ZDHHC14: variants seen among roughly 807,000 people sequenced by gnomAD.
ZDHHC14 encodes the protein zDHHC palmitoyltransferase 14, also known as palmitoyltransferase ZDHHC14.
Under a neutral mutation model 47.7 loss-of-function variants are expected in ZDHHC14, and 16 were observed. The ratio of observed to expected loss-of-function variants is 0.34; its 90% CI spans 0.23 to 0.51. The LOEUF is 0.51. ZDHHC14 is among the 20% of genes least tolerant of loss of function. The probability of loss-of-function intolerance (pLI) is 0.97; values close to 1 mark genes in which losing one functional copy is unlikely to be tolerated. For missense variants in ZDHHC14, 515 were observed against 662.5 expected (o/e 0.78, Z 2.44); for synonymous variants, 293 against 278.9 (o/e 1.05, Z -0.50).
rs1778894415 is a variant in ZDHHC14 at position 157,673,314 on chromosome 6, T to G, written c.*192T>G. On this transcript the variant is annotated 3_prime_UTR_variant, in exon 9 of 9. Transcript: ENST00000359775. The surrounding 1 kb of genome is among the most constrained non-coding windows in gnomAD (Gnocchi z 5.4). Reference sequence around the variant, plus strand: ...CGGATGCTGAGAGCTTGGTTTCATTTGAATTTTCTTCCCCAACCTGAGTGC... The same window carrying G: ...CGGATGCTGAGAGCTTGGTTTCATTGGAATTTTCTTCCCCAACCTGAGTGC... The G allele has an allele frequency of 1.5e-6, 1 of 685,706 alleles. No homozygotes were observed. The highest frequency in any genetic ancestry group is 2.4e-5 in the South Asian group (1 of 41,340). The allele number at this position is 685,706 out of a possible 1,614,324, so 42.5% of individuals were successfully genotyped here.
At chr6:157,482,223 A>C (rs1454217419) in intron 1 of ZDHHC14, among the ~76,000 whole-genome samples, 1 of 151,902 alleles carries the variant, frequency 6.6e-6, no homozygotes, top group Admixed American at 6.6e-5. Flanking sequence ...GCCTGTAGTA[A>C]AGTGAGGACA....
chr6:157,579,190 G>GTTTTTTTT lies in ZDHHC14; in HGVS notation c.407-13779_407-13772dup, dbSNP rs1187065924. Among the ~76,000 whole-genome samples, 16 of 63,964 alleles carry GTTTTTTTT rather than the reference G, an allele frequency of 2.5e-4. 4 individuals are homozygous for GTTTTTTTT. Among genetic ancestry groups the GTTTTTTTT allele is most frequent in the East Asian group, 2.2e-3 (4 of 1,792 alleles). The allele number at this position is 63,964 out of a possible 152,430, so 42.0% of individuals were successfully genotyped here. A position where few individuals can be genotyped will look rare whatever the true frequency, so the allele number is the denominator to read the frequency against. ...GCCATTTTAATGATATTGATTCTGT[G>GTTTTTTTT]TTTTTTTTTTTTTTTTTTTTTTTTT... On this transcript the variant is annotated intron_variant, in intron 2 of 8. Coordinates refer to ENST00000359775, the MANE Select transcript of ZDHHC14 (RefSeq NM_024630.3).
At chr6:157,481,292 T>C (rs1258746611) in intron 1 of ZDHHC14, among the ~76,000 whole-genome samples, 1 of 152,212 alleles carries the variant, frequency 6.6e-6, no homozygotes, top group African/African-American at 2.4e-5. Flanking sequence ...GGTGGTGTTT[T>C]TATCGTATTT....
chr6:157,383,158 T>G (rs1217611019), intron 1 of ZDHHC14, among the ~76,000 whole-genome samples: 1 of 152,242 alleles, frequency 6.6e-6, no homozygotes, highest in Non-Finnish European at 1.5e-5. Flanking sequence ...TAGCAGTGAT[T>G]AGATAAAGCA....
At chr6:157,660,993 AC>A in intron 8 of ZDHHC14, among the ~76,000 whole-genome samples, 1 of 152,328 alleles carries the variant, frequency 6.6e-6, no homozygotes, top group South Asian at 2.1e-4. Context: ...GACAAAGAGC[AC>A]TTAGGTTTCA....
intron 3 of ZDHHC14, among the ~76,000 whole-genome samples, chr6:157,617,297 T>C (rs144211618): frequency 2.4e-3 from 365 of 152,350 alleles, no homozygotes; most frequent in Non-Finnish European, 3.7e-3. Context: ...TATGGCCTTA[T>C]ATCTTAACAA....
intron 3 of ZDHHC14, among the ~76,000 whole-genome samples, chr6:157,603,663 C>T (rs140774210): frequency 0.017 from 2,517 of 152,260 alleles, 63 homozygotes; most frequent in African/African-American, 0.044. Context: ...TTCTTTTTCT[C>T]GTGTGTCTGT....
At chr6:157,467,815 G>A (rs1421840284) in intron 1 of ZDHHC14, among the ~76,000 whole-genome samples, 2 of 152,088 alleles carry the variant, frequency 1.3e-5, no homozygotes, top group Non-Finnish European at 2.9e-5. Flanking sequence ...CTCCCAAAGT[G>A]CTGGGATTAC....
intron 1 of ZDHHC14, among the ~76,000 whole-genome samples, chr6:157,423,175 G>A (rs1778144197): frequency 6.6e-6 from 1 of 152,176 alleles, no homozygotes; most frequent in South Asian, 2.1e-4. Context: ...TTGACTTTGA[G>A]TTCTACTGAC....
chr6:157,508,007 G>T (rs1299676265), intron 1 of ZDHHC14, among the ~76,000 whole-genome samples: 1 of 152,166 alleles, frequency 6.6e-6, no homozygotes, highest in African/African-American at 2.4e-5. Flanking sequence ...TCCTCAATCA[G>T]AATTTTGAAG....
At chr6:157,465,949 C>T (rs1213758940) in intron 1 of ZDHHC14, among the ~76,000 whole-genome samples, 1 of 151,740 alleles carries the variant, frequency 6.6e-6, no homozygotes, top group Non-Finnish European at 1.5e-5. Flanking sequence ...GGCGGAGACA[C>T]GAAAATCACT....
chr6:157,452,947 C>T (rs1211073624), intron 1 of ZDHHC14, among the ~76,000 whole-genome samples: 1 of 152,020 alleles, frequency 6.6e-6, no homozygotes, highest in Non-Finnish European at 1.5e-5. Flanking sequence ...TCAAATGATC[C>T]ACCCGCCTTG....
chr6:157,578,473 G>A (rs1053343999), intron 2 of ZDHHC14, among the ~76,000 whole-genome samples: 4 of 152,138 alleles, frequency 2.6e-5, no homozygotes, highest in Admixed American at 1.3e-4. Context: ...GTTTTTGTCA[G>A]GTTTGTCAAT....
intron 2 of ZDHHC14, among the ~76,000 whole-genome samples, chr6:157,564,641 C>T (rs1326494277): frequency 6.6e-6 from 1 of 152,198 alleles, no homozygotes; most frequent in Non-Finnish European, 1.5e-5. Flanking sequence ...CTATTGATCA[C>T]AAGATGCTTG....
intron 7 of ZDHHC14, among the ~76,000 whole-genome samples, chr6:157,648,788 A>G (rs1331210107): frequency 6.6e-6 from 1 of 152,134 alleles, no homozygotes; most frequent in Admixed American, 6.5e-5. Flanking sequence ...CTCTCAGGCA[A>G]TGGCTTGATT....
At chr6:157,536,010 T>TC in intron 1 of ZDHHC14, among the ~76,000 whole-genome samples, 1 of 151,458 alleles carries the variant, frequency 6.6e-6, no homozygotes, top group African/African-American at 2.5e-5. Flanking sequence ...CCTTAAAACC[T>TC]CCATTTCTCA....
At chr6:157,518,278 T>A (rs1780774054) in intron 1 of ZDHHC14, among the ~76,000 whole-genome samples, 4 of 151,632 alleles carry the variant, frequency 2.6e-5, no homozygotes. Flanking sequence ...TGCCATTAGG[T>A]ACACTGAGGA....
intron 3 of ZDHHC14, among the ~76,000 whole-genome samples, chr6:157,610,166 TG>T (rs1158967778): frequency 6.6e-6 from 1 of 152,152 alleles, no homozygotes; most frequent in Non-Finnish European, 1.5e-5. Context: ...ACACCTGGGC[TG>T]GGCGCAGTGG....
chr6:157,548,512 T>C (rs188791904), intron 2 of ZDHHC14, among the ~76,000 whole-genome samples: 2 of 152,308 alleles, frequency 1.3e-5, no homozygotes, highest in East Asian at 3.9e-4. Flanking sequence ...AATGGCGCGA[T>C]CTCAGCTCAC....
Sources: gnomAD v4.1 joint callset for allele counts (sites outside exome capture counted in the v4.1 genomes callset) on GRCh38, gnomAD v4.1.1 for gene constraint, Gnocchi (gnomAD v3.1) non-coding constraint, MANE v1.5 for transcripts, NCBI Gene and HGNC (gene_info 2026-07-23, HGNC 2026-07-21) for gene names.